Variants in SPOCK1 observed in about 807,000 individuals in gnomAD.
SPOCK1 encodes the protein testican-1.
Under a neutral mutation model 55.3 loss-of-function variants are expected in SPOCK1, and 23 were observed. The ratio of observed to expected loss-of-function variants is 0.42; its 90% CI spans 0.30 to 0.59. SPOCK1 has a LOEUF of 0.59. Among genes scored for constraint, SPOCK1 ranks in the 20% least tolerant of loss-of-function variants. SPOCK1 has a pLI of 0.22. For synonymous variants in SPOCK1, 226 were observed against 221.0 expected (o/e 1.02, Z -0.20); for missense variants, 499 against 552.5 (o/e 0.90, Z 0.97).
intron 2 of SPOCK1, among the ~76,000 whole-genome samples, chr5:137,299,328 T>C (rs1401353208): frequency 2.0e-5 from 3 of 152,130 alleles, no homozygotes; most frequent in South Asian, 4.1e-4. Flanking sequence ...ACATAATATA[T>C]GTTGGGTTTA....
intron 2 of SPOCK1, among the ~76,000 whole-genome samples, chr5:137,329,232 GAA>G (rs1167966291): frequency 1.3e-5 from 2 of 152,094 alleles, no homozygotes; most frequent in African/African-American, 4.8e-5. Flanking sequence ...GACTGGAACT[GAA>G]AAATAGGCTC....
At chr5:137,222,526 G>T (rs1233720109) in intron 3 of SPOCK1, among the ~76,000 whole-genome samples, 1 of 152,182 alleles carries the variant, frequency 6.6e-6, no homozygotes, top group Admixed American at 6.5e-5. Flanking sequence ...GAAGAGCACA[G>T]ATTTAATACA....
chr5:137,018,602 C>T (rs1049854469), intron 6 of SPOCK1, among the ~76,000 whole-genome samples: 1 of 152,052 alleles, frequency 6.6e-6, no homozygotes, highest in African/African-American at 2.4e-5. Flanking sequence ...TCACCCCTTC[C>T]CCCCATTAGT....
At chr5:137,302,198 T>C (rs1205470525) in intron 2 of SPOCK1, among the ~76,000 whole-genome samples, 1 of 152,134 alleles carries the variant, frequency 6.6e-6, no homozygotes, top group Non-Finnish European at 1.5e-5. Flanking sequence ...TAGTTTTGAA[T>C]GATAAATTGT....
chr5:137,450,123 C>G (rs1753224575), intron 2 of SPOCK1, among the ~76,000 whole-genome samples: 1 of 152,062 alleles, frequency 6.6e-6, no homozygotes, highest in South Asian at 2.1e-4. Context: ...CAAGCTATAG[C>G]CTTGGGGGAG....
chr5:137,163,287 T>C (rs957656040), intron 3 of SPOCK1, among the ~76,000 whole-genome samples: 2 of 152,188 alleles, frequency 1.3e-5, no homozygotes, highest in Non-Finnish European at 2.9e-5. Flanking sequence ...CAGGACTCTT[T>C]CTAGTGATAT....
chr5:137,006,793 C>T (rs772925386), intron 6 of SPOCK1, among the ~76,000 whole-genome samples: 46 of 152,158 alleles, frequency 3.0e-4, no homozygotes, highest in Non-Finnish European at 5.9e-4. Context: ...AAAGGGAATG[C>T]TTCCAGCTTT....
At chr5:137,428,754 G>A (rs888666785) in intron 2 of SPOCK1, among the ~76,000 whole-genome samples, 1 of 152,126 alleles carries the variant, frequency 6.6e-6, no homozygotes, top group Non-Finnish European at 1.5e-5. Flanking sequence ...AGAATTATGG[G>A]AGTTGTCCTA....
intron 2 of SPOCK1, among the ~76,000 whole-genome samples, chr5:137,332,608 G>A (rs549432721): frequency 9.8e-5 from 15 of 152,346 alleles, no homozygotes; most frequent in East Asian, 3.9e-4. Flanking sequence ...GATGTGCCAC[G>A]TTTTGTGCAG....
At chr5:137,492,796 A>G (rs1397739439) in intron 2 of SPOCK1, among the ~76,000 whole-genome samples, 1 of 152,206 alleles carries the variant, frequency 6.6e-6, no homozygotes, top group African/African-American at 2.4e-5. Context: ...CCATCCACCA[A>G]TGGAAGGTGG....
Position 137,440,980 on chromosome 5 carries a change from G to GC in SPOCK1, c.186+57392dup, listed in dbSNP as rs537400981. ...TCACTTATTACATGACTGTTGGAGG[G>GC]CAGTAATAGTTCTTTAATAACCTGA... is the stretch of plus-strand genomic sequence containing the variant. On this transcript the variant is annotated intron_variant, in intron 2 of 10. Coordinates refer to ENST00000394945, the MANE Select transcript of SPOCK1 (RefSeq NM_004598.4). Among the ~76,000 whole-genome samples, 697 of 152,284 alleles carry GC rather than the reference G, an allele frequency of 4.6e-3. 4 individuals carry two copies. Among genetic ancestry groups the GC allele is most frequent in the African/African-American group, 0.016 (664 of 41,556 alleles).
At chr5:137,072,811 G>C (rs572263879) in intron 5 of SPOCK1, among the ~76,000 whole-genome samples, 21 of 152,204 alleles carry the variant, frequency 1.4e-4, no homozygotes, top group African/African-American at 4.3e-4. Flanking sequence ...TTTTAAGCCA[G>C]ACTGTTGACA....
At chr5:137,010,700 T>C (rs1751333293) in intron 6 of SPOCK1, among the ~76,000 whole-genome samples, 1 of 152,168 alleles carries the variant, frequency 6.6e-6, no homozygotes, top group South Asian at 2.1e-4. Flanking sequence ...TCACCCATGC[T>C]GACTAATTTA....
At chr5:137,139,281 G>A (rs1194443765) in intron 4 of SPOCK1, among the ~76,000 whole-genome samples, 1 of 152,186 alleles carries the variant, frequency 6.6e-6, no homozygotes, top group African/African-American at 2.4e-5. Context: ...GCAGGTGCCA[G>A]GCTTAGAGAG....
chr5:137,463,521 G>T (rs1220891804), intron 2 of SPOCK1, among the ~76,000 whole-genome samples: 7 of 150,370 alleles, frequency 4.7e-5, no homozygotes, highest in East Asian at 3.9e-4. Context: ...GGCTGGCAAG[G>T]GTAGTGGGGG....
intron 4 of SPOCK1, among the ~76,000 whole-genome samples, chr5:137,113,472 C>A (rs1753513254): frequency 6.6e-6 from 1 of 152,190 alleles, no homozygotes; most frequent in Non-Finnish European, 1.5e-5. Flanking sequence ...GGCCTTCCTG[C>A]ATGATGATTA....
intron 9 of SPOCK1, among the ~76,000 whole-genome samples, chr5:136,983,211 A>C (rs943463456): frequency 2.6e-5 from 4 of 152,056 alleles, no homozygotes; most frequent in Non-Finnish European, 4.4e-5. Flanking sequence ...TTTGCCTTTT[A>C]TTTAGTGGAA....
At chr5:137,136,816 T>C (rs1182390290) in intron 4 of SPOCK1, among the ~76,000 whole-genome samples, 1 of 152,200 alleles carries the variant, frequency 6.6e-6, no homozygotes, top group Non-Finnish European at 1.5e-5. Flanking sequence ...CAAAAATCTG[T>C]CCCTTGCAAC....
chr5:137,261,515 G>T (rs1418127739), intron 3 of SPOCK1, among the ~76,000 whole-genome samples: 2 of 152,174 alleles, frequency 1.3e-5, no homozygotes, highest in Non-Finnish European at 2.9e-5. Flanking sequence ...AAAGGGTGAG[G>T]TCTTTCTTTT....
Sources: gnomAD v4.1 joint callset for allele counts (sites outside exome capture counted in the v4.1 genomes callset) on GRCh38, gnomAD v4.1.1 for gene constraint, MANE v1.5 for transcripts, NCBI Gene and HGNC (gene_info 2026-07-23, HGNC 2026-07-21) for gene names.